The following KCNIP4 variants were observed in gnomAD, a reference collection of about 807,000 sequenced individuals.
The protein encoded by KCNIP4 is potassium voltage-gated channel interacting protein 4.
KCNIP4 carries 12 observed loss-of-function variants against 34.0 expected under a neutral mutation model. That is an observed-to-expected ratio of 0.35 (90% CI 0.23 to 0.57). The LOEUF (loss-of-function observed/expected upper bound fraction) is 0.57. Among genes scored for constraint, KCNIP4 ranks in the 20% least tolerant of loss-of-function variants. The probability of loss-of-function intolerance (pLI) is 0.83; values close to 1 mark genes in which losing one functional copy is unlikely to be tolerated. For synonymous variants in KCNIP4, 124 were observed against 102.2 expected, an observed-to-expected ratio of 1.21 and a Z score of -1.29; for missense variants, 238 against 311.7, an observed-to-expected ratio of 0.76 and a Z score of 1.78.
chr4:21,140,709 C>CT, intron 1 of KCNIP4, among the ~76,000 whole-genome samples: 1 of 152,244 alleles, frequency 6.6e-6, no homozygotes, highest in South Asian at 2.1e-4. Flanking sequence ...GTTTTCCAGT[C>CT]TTTTTTCTGA....
At chr4:21,924,137 T>G (rs1729095518) in intron 1 of KCNIP4, among the ~76,000 whole-genome samples, 1 of 152,188 alleles carries the variant, frequency 6.6e-6, no homozygotes, top group Admixed American at 6.5e-5. Context: ...GATAAATTAA[T>G]GTTTCTTGTT....
chr4:20,978,784 TA>T (rs1263165593), intron 1 of KCNIP4, among the ~76,000 whole-genome samples: 1 of 152,166 alleles, frequency 6.6e-6, no homozygotes, highest in Non-Finnish European at 1.5e-5. Flanking sequence ...TTATATTTTT[TA>T]TTTGTTAGTA....
chr4:21,923,201 T>C (rs1449358056), intron 1 of KCNIP4, among the ~76,000 whole-genome samples: 1 of 152,180 alleles, frequency 6.6e-6, no homozygotes, highest in Non-Finnish European at 1.5e-5. Context: ...AGGACTAAGC[T>C]TCTACCAACA....
At chr4:21,318,191 A>G (rs1713983763) in intron 1 of KCNIP4, among the ~76,000 whole-genome samples, 1 of 152,210 alleles carries the variant, frequency 6.6e-6, no homozygotes, top group Non-Finnish European at 1.5e-5. Flanking sequence ...TAAAAAAGAC[A>G]GGTAAAATGA....
At chr4:21,926,836 T>C (rs1729275907) in intron 1 of KCNIP4, among the ~76,000 whole-genome samples, 1 of 152,238 alleles carries the variant, frequency 6.6e-6, no homozygotes, top group Non-Finnish European at 1.5e-5. Context: ...ATGTTGTTTA[T>C]ATTATTGTAA....
chr4:21,363,558 A>T (rs1300630824), intron 1 of KCNIP4, among the ~76,000 whole-genome samples: 2 of 152,174 alleles, frequency 1.3e-5, no homozygotes, highest in Non-Finnish European at 2.9e-5. Context: ...TACAAACTAC[A>T]TAGCTCTTTG....
At chr4:21,220,156 G>A (rs1322275676) in intron 1 of KCNIP4, among the ~76,000 whole-genome samples, 1 of 152,112 alleles carries the variant, frequency 6.6e-6, no homozygotes, top group African/African-American at 2.4e-5. Flanking sequence ...AGTCGTACCA[G>A]GTTCTCCCTT....
At chr4:21,103,848 C>T (rs1315873458) in intron 1 of KCNIP4, among the ~76,000 whole-genome samples, 4 of 149,078 alleles carry the variant, frequency 2.7e-5, no homozygotes, top group African/African-American at 5.0e-5. Context: ...GGTTTTTTGT[C>T]CTTGCGATAG....
intron 1 of KCNIP4, among the ~76,000 whole-genome samples, chr4:20,986,142 G>A (rs1019144145): frequency 6.6e-6 from 1 of 152,096 alleles, no homozygotes. Context: ...TGGATGAAAC[G>A]ACTTTGCTTT....
At chr4:20,884,242 A>T (rs1175947448) in intron 1 of KCNIP4, among the ~76,000 whole-genome samples, 2 of 152,158 alleles carry the variant, frequency 1.3e-5, no homozygotes, top group Non-Finnish European at 2.9e-5. Context: ...AAGTTCTGGG[A>T]TACATGTGAA....
intron 5 of KCNIP4, among the ~76,000 whole-genome samples, chr4:20,738,319 G>A (rs1429613603): frequency 1.3e-5 from 2 of 152,176 alleles, no homozygotes; most frequent in Non-Finnish European, 2.9e-5. Context: ...AAGGGGAGCT[G>A]GCCACAGGGT....
intron 1 of KCNIP4, among the ~76,000 whole-genome samples, chr4:21,178,686 G>A (rs946413496): frequency 6.6e-6 from 1 of 151,854 alleles, no homozygotes; most frequent in African/African-American, 2.4e-5. Context: ...CTAAGTGTTT[G>A]CTTCCTCCTG....
chr4:21,216,132 G>A (rs768320580), intron 1 of KCNIP4, among the ~76,000 whole-genome samples: 1 of 152,216 alleles, frequency 6.6e-6, no homozygotes, highest in Non-Finnish European at 1.5e-5. Context: ...GGGCGGTTGA[G>A]AAATGACTTT....
intron 1 of KCNIP4, among the ~76,000 whole-genome samples, chr4:21,944,047 T>G (rs1730354819): frequency 6.6e-6 from 1 of 151,872 alleles, no homozygotes; most frequent in African/African-American, 2.4e-5. Context: ...CATACTGACT[T>G]TAAGGTGCTG....
At chr4:21,501,106 C>A (rs1733288799) in intron 1 of KCNIP4, among the ~76,000 whole-genome samples, 1 of 152,060 alleles carries the variant, frequency 6.6e-6, no homozygotes, top group African/African-American at 2.4e-5. Flanking sequence ...TCATGAGGCA[C>A]CTCCTCATGT....
At chr4:21,272,651 C>T (rs1346053) in intron 1 of KCNIP4, among the ~76,000 whole-genome samples, 1 of 151,932 alleles carries the variant, frequency 6.6e-6, no homozygotes, top group Non-Finnish European at 1.5e-5. Context: ...GTAAAGAAGA[C>T]TTAAGACAAG....
At chr4:21,673,786 A>AT (rs1022702883) in intron 1 of KCNIP4, among the ~76,000 whole-genome samples, 2 of 152,162 alleles carry the variant, frequency 1.3e-5, no homozygotes, top group African/African-American at 4.8e-5. Context: ...ACTTTAAGCA[A>AT]TTTTTTTAAA....
chr4:21,119,912 T>C (rs1017647240), intron 1 of KCNIP4, among the ~76,000 whole-genome samples: 3 of 152,288 alleles, frequency 2.0e-5, no homozygotes, highest in Admixed American at 1.3e-4. Flanking sequence ...CTGACAACAC[T>C]TTGTGAGGTT....
intron 1 of KCNIP4, among the ~76,000 whole-genome samples, chr4:21,245,222 T>C (rs1240351037): frequency 6.6e-6 from 1 of 152,196 alleles, no homozygotes; most frequent in African/African-American, 2.4e-5. Flanking sequence ...CACATGTCAT[T>C]TTCTTGCCTT....
Sources: gnomAD v4.1 joint callset for allele counts (sites outside exome capture counted in the v4.1 genomes callset) on GRCh38, gnomAD v4.1.1 for gene constraint, MANE v1.5 for transcripts, NCBI Gene and HGNC (gene_info 2026-07-23, HGNC 2026-07-21) for gene names.